Variants in GBP4 observed in about 807,000 individuals in gnomAD.
GBP4 encodes the protein guanylate binding protein 4, also known as guanylate-binding protein 4.
A neutral mutation model predicts 62.2 loss-of-function variants in GBP4; 69 were observed. The ratio of observed to expected loss-of-function variants is 1.11; its 90% CI spans 0.91 to 1.36. The LOEUF is 1.36. Ranked by LOEUF, GBP4 falls within the 40% of genes most tolerant of loss-of-function variation. The pLI is 0.00. For missense variants in GBP4, 697 were observed against 759.3 expected (o/e 0.92, Z 0.96); for synonymous variants, 278 against 274.6 (o/e 1.01, Z -0.12).
intron 1 of GBP4, chr1:89,198,586 T>G (rs945997543): frequency 1.0e-5 from 6 of 576,902 alleles, no homozygotes; most frequent in Admixed American, 2.9e-5. Context: ...TCGCCGCCTG[T>G]GGACCGTCTA....
chr1:89,187,197 C>A, intron 8 of GBP4, 95 bp from the exon 9 acceptor site: 1 of 971,258 alleles, frequency 1.0e-6, no homozygotes, highest in South Asian at 1.4e-5. Context: ...AAATCTAACC[C>A]TGTAAACTTT....
chr1:89,193,008 G>A lies in GBP4; in HGVS notation c.566C>T (p.Pro189Leu), dbSNP rs1309426405. The change falls in exon 5 of 11, where the codon CCA (proline) becomes CTA (leucine). Residue 189 changes from proline (P) to leucine (L), a missense_variant. Transcript: ENST00000355754. ...ATCCCGAACAGTCCAAATAAAGTCT[G>A]GAAAGAAACTCGCAAACTCGCTGGA... is the stretch of plus-strand genomic sequence containing the variant. Reference protein sequence around the residue: ...EDSSEFASFFPDFIWTVRDFT... With the variant: ...EDSSEFASFFLDFIWTVRDFT... 5 of 1,614,154 alleles carry A rather than the reference G, an allele frequency of 3.1e-6. No individual in the cohort carries two copies. In the Admixed American group the frequency reaches 8.3e-5, roughly 27 times the overall value.
intron 6 of GBP4, 113 bp from the exon 7 acceptor site, chr1:89,190,431 T>C (rs1453715773): frequency 2.3e-6 from 2 of 858,806 alleles, no homozygotes; most frequent in African/African-American, 1.7e-5. Context: ...AAGTTTCTTA[T>C]CACTCCTTTA....
At chr1:89,186,254 G>T in intron 10 of GBP4, 79 bp downstream of exon 10, 3 of 1,083,198 alleles carry the variant, frequency 2.8e-6, no homozygotes, top group African/African-American at 1.5e-5. Flanking sequence ...TCATGACTGT[G>T]CCTAAAATTT....
At chr1:89,195,213 A>C in intron 3 of GBP4, 84 bp downstream of exon 3, 8 of 1,349,098 alleles carry the variant, frequency 5.9e-6, no homozygotes, top group Non-Finnish European at 8.2e-6. Context: ...TTGAGTTTAC[A>C]GAGATATGTA....
rs1052039146 is a variant in GBP4 at position 89,183,914 on chromosome 1, C to G, written c.*1340G>C. On this transcript the variant is annotated 3_prime_UTR_variant, in exon 11 of 11. Coordinates refer to ENST00000355754, the MANE Select transcript of GBP4 (RefSeq NM_052941.5). ...AAACAAAACAAAATGAAACAATTAACAAAGTAACAGACAACCTACAGAATG... is the reference window on the plus strand; with the variant it reads ...AAACAAAACAAAATGAAACAATTAAGAAAGTAACAGACAACCTACAGAATG... 6.6e-6 allele frequency: 1 copy of G among 152,004 alleles called. No homozygotes were observed. Among genetic ancestry groups the G allele is most frequent in the Non-Finnish European group, 1.5e-5 (1 of 67,950 alleles). 9.4% of individuals were successfully genotyped at this position (152,004 alleles called of 1,614,324 possible). A position where few individuals can be genotyped will look rare whatever the true frequency, so the allele number is the denominator to read the frequency against.
In GBP4 at chr1:89,184,815, T is replaced by G. The variant is rs1647985571; in HGVS notation, c.*439A>C. On this transcript the variant is annotated 3_prime_UTR_variant, in exon 11 of 11. Coordinates refer to ENST00000355754, the MANE Select transcript of GBP4 (RefSeq NM_052941.5). The stretch of plus-strand genomic sequence containing the variant: ...ACCCCCATGACATGCAGTTTACCTA[T>G]GTAACAAACCTGCACATATACCCCT... 1 of 153,366 alleles carries G rather than the reference T, an allele frequency of 6.5e-6. No individual in the cohort carries two copies. The highest frequency in any genetic ancestry group is 1.5e-5 in the Non-Finnish European group (1 of 68,940). The allele number at this position is 153,366 out of a possible 1,614,324, so 9.5% of individuals were successfully genotyped here.
rs1162599667 is a variant in GBP4, at chr1:89,182,310, A to G, written c.*2944T>C. ...GTCCCTTTTAAGGGCTCACAACACT[A>G]AAGATTTCACATGAAAGGGTCATGA... On this transcript the variant is annotated 3_prime_UTR_variant, in exon 11 of 11. Coordinates refer to ENST00000355754, the MANE Select transcript of GBP4 (RefSeq NM_052941.5). 1.3e-5 allele frequency: 2 copies of G among 152,156 alleles called. No individual in the cohort carries two copies. The highest frequency in any genetic ancestry group is 2.9e-5 in the Non-Finnish European group (2 of 68,028). The allele number at this position is 152,156 out of a possible 1,614,324, so 9.4% of individuals were successfully genotyped here.
intron 2 of GBP4, among the ~76,000 whole-genome samples, chr1:89,196,060 A>G (rs1440661395): frequency 6.6e-6 from 1 of 152,222 alleles, no homozygotes; most frequent in Non-Finnish European, 1.5e-5. Flanking sequence ...TCTCTGATTC[A>G]GAAATCCCAC....
intron 8 of GBP4, 144 bp from the exon 9 acceptor site, chr1:89,187,246 A>G (rs1648060576): frequency 1.5e-6 from 1 of 659,362 alleles, no homozygotes; most frequent in Admixed American, 2.6e-5. Context: ...TTTCTTCCAC[A>G]GCCACAAGAA....
At chr1:89,196,733 C>T (rs1004504614) in intron 2 of GBP4, among the ~76,000 whole-genome samples, 32 of 152,292 alleles carry the variant, frequency 2.1e-4, no homozygotes, top group African/African-American at 7.7e-4. Flanking sequence ...TAATGCCTGT[C>T]CTTCTTCATA....
At chr1:89,193,473 TTGGTTG>T in intron 3 of GBP4, 61 bp from the exon 4 acceptor site, 3 of 1,445,434 alleles carry the variant, frequency 2.1e-6, no homozygotes, top group Non-Finnish European at 2.9e-6. Context: ...ATTCATTCAT[TTGGTTG>T]TTCATTAGCT....
Position 89,184,490 on chromosome 1 carries a change from T to C in GBP4, c.*764A>G, listed in dbSNP as rs1417539491. The stretch of plus-strand genomic sequence containing the variant: ...GGCTGGATAATGAAAATGTGGTATA[T>C]ACAAACACCATGGAATACTATGCAG... On this transcript the variant is annotated 3_prime_UTR_variant, in exon 11 of 11. Coordinates refer to ENST00000355754, the MANE Select transcript of GBP4 (RefSeq NM_052941.5). The C allele has an allele frequency of 1.3e-5, 2 of 152,184 alleles. No individual in the cohort carries two copies. The highest frequency in any genetic ancestry group is 2.4e-5 in the African/African-American group (1 of 41,432). The allele number at this position is 152,184 out of a possible 1,614,324, so 9.4% of individuals were successfully genotyped here. A position where few individuals can be genotyped will look rare whatever the true frequency, so the allele number is the denominator to read the frequency against.
At chr1:89,198,721 C>T in intron 1 of GBP4, 74 bp downstream of exon 1, 1 of 1,318,364 alleles carries the variant, frequency 7.6e-7, no homozygotes, top group Non-Finnish European at 1.1e-6. Flanking sequence ...CGTGTGCAGT[C>T]TGCGCTTGGG....
rs199598580 is a variant in GBP4, at chr1:89,197,190, G to A, written c.155C>T (p.Pro52Leu). 22 of 1,614,136 alleles carry A rather than the reference G, an allele frequency of 1.4e-5. No homozygotes were observed. In the East Asian group the frequency reaches 4.7e-4, roughly 34 times the overall value. ...CCCTACAATGGCCACCACCACCACG[G>A]GCTGAGAAATCTTGTCAAGAATCTC... is the stretch of plus-strand genomic sequence containing the variant. Reference protein sequence around the residue: ...ALEILDKISQPVVVVAIVGLY... With the variant: ...ALEILDKISQLVVVVAIVGLY... The change falls in exon 2 of 11, where the codon CCC (proline) becomes CTC (leucine). Residue 52 changes from proline to leucine, a missense_variant. By Grantham distance (98) the Pro-to-Leu change is moderately conservative. Transcript: ENST00000355754.
intron 5 of GBP4, among the ~76,000 whole-genome samples, chr1:89,192,681 C>T (rs569197998): frequency 2.0e-5 from 3 of 152,224 alleles, no homozygotes; most frequent in African/African-American, 4.8e-5. Flanking sequence ...GATAGAACTT[C>T]GAGTTTTAAA....
chr1:89,193,200 T>TCTTA (rs1214101628), intron 4 of GBP4, 100 bp from the exon 5 acceptor site: 16 of 1,527,906 alleles, frequency 1.0e-5, no homozygotes, highest in Admixed American at 1.7e-5. Flanking sequence ...CTCTGTCTTT[T>TCTTA]CTTACTCAAC....
Position 89,183,201 on chromosome 1 carries a change from A to T in GBP4, c.*2053T>A, listed in dbSNP as rs1443314744. Reference sequence around the variant, plus strand: ...CAGCATGGTATTAGTAGAAAAACAGACACACAGATAAATGGAACATAACAG... The same window carrying T: ...CAGCATGGTATTAGTAGAAAAACAGTCACACAGATAAATGGAACATAACAG... On this transcript the variant is annotated 3_prime_UTR_variant, in exon 11 of 11. Transcript: ENST00000355754. The T allele has an allele frequency of 6.6e-6, 1 of 152,228 alleles. No individual in the cohort carries two copies. The highest frequency in any genetic ancestry group is 1.5e-5 in the Non-Finnish European group (1 of 68,046). The allele number at this position is 152,228 out of a possible 1,614,324, so 9.4% of individuals were successfully genotyped here.
chr1:89,185,951 A>G (rs1350325751), intron 10 of GBP4, among the ~76,000 whole-genome samples: 1 of 152,214 alleles, frequency 6.6e-6, no homozygotes, highest in Non-Finnish European at 1.5e-5. Context: ...GTATCATTTC[A>G]TATCAAGCCA....
Sources: allele counts gnomAD v4.1 joint callset (sites outside exome capture counted in the v4.1 genomes callset), GRCh38; gene constraint gnomAD v4.1.1; transcripts MANE v1.5; gene names NCBI Gene and HGNC (gene_info 2026-07-23, HGNC 2026-07-21).